Variants in EML1 observed in about 807,000 individuals in gnomAD.
The protein encoded by EML1 is echinoderm microtubule-associated protein-like 1.
In EML1, 27 loss-of-function variants were observed where a neutral mutation model predicts 110.4. That is an observed-to-expected ratio of 0.24 (90% CI 0.18 to 0.34). The LOEUF (loss-of-function observed/expected upper bound fraction) is 0.34. EML1 is among the 10% of genes least tolerant of loss of function. The pLI, the probability that EML1 is intolerant of heterozygous loss-of-function variation, is 1.00. For missense variants in EML1, 741 were observed against 1,030.9 expected (o/e 0.72, Z 3.85); for synonymous variants, 344 against 385.8 (o/e 0.89, Z 1.27).
intron 1 of EML1, among the ~76,000 whole-genome samples, chr14:99,849,505 TTGTGTGTGTG>T (rs764449866): frequency 6.7e-6 from 1 of 149,010 alleles, no homozygotes; most frequent in Admixed American, 6.7e-5. Context: ...GTGTGTGTAT[TTGTGTGTGTG>T]TGTGTGTGTG....
chr14:99,917,635 C>G, intron 15 of EML1, 147 bp from the exon 16 acceptor site: 2 of 742,744 alleles, frequency 2.7e-6, no homozygotes, highest in Non-Finnish European at 4.3e-6. Flanking sequence ...ACATTTTTCT[C>G]TAGAAAAGAG....
At chr14:99,754,815 T>G (rs1224113212) in intron 1 of EML1, among the ~76,000 whole-genome samples, 1 of 151,806 alleles carries the variant, frequency 6.6e-6, no homozygotes, top group African/African-American at 2.4e-5. Context: ...TGGAGAAACT[T>G]CTCCAGGTCA....
intron 2 of EML1, among the ~76,000 whole-genome samples, chr14:99,857,109 A>G (rs2058915797): frequency 6.6e-6 from 1 of 151,950 alleles, no homozygotes; most frequent in Admixed American, 6.6e-5. Flanking sequence ...CCACCTCTAC[A>G]AAAAATACCG....
rs2058402742 is a variant in EML1, at chr14:99,828,853, A to G, written c.68-22000A>G. On this transcript the variant is annotated intron_variant, in intron 1 of 21. Transcript: ENST00000262233. Reference sequence around the variant, plus strand: ...ATAAGGAAGAGAAAATGTATTTACTATTCTGTTAGTGGAAGCGGGTCATCA... The same window carrying G: ...ATAAGGAAGAGAAAATGTATTTACTGTTCTGTTAGTGGAAGCGGGTCATCA... 1.3e-5 allele frequency among the ~76,000 whole-genome samples: 2 copies of G among 152,240 alleles called. 1 individual carries two copies. The highest frequency in any genetic ancestry group is 4.1e-4 in the South Asian group (2 of 4,834).
intron 1 of EML1, among the ~76,000 whole-genome samples, chr14:99,752,371 G>A (rs534117591): frequency 1.3e-5 from 2 of 152,190 alleles, no homozygotes; most frequent in Non-Finnish European, 2.9e-5. Context: ...CAGGGTCGCC[G>A]GGCGGAATGC....
At chr14:99,741,635 C>T (rs868319197) in intron 1 of EML1, among the ~76,000 whole-genome samples, 1 of 152,090 alleles carries the variant, frequency 6.6e-6, no homozygotes, top group South Asian at 2.1e-4. Flanking sequence ...CCCACCCCCC[C>T]CCAGACCTCA....
chr14:99,915,008 T>G, intron 15 of EML1: 1 of 377,614 alleles, frequency 2.6e-6, no homozygotes, highest in Non-Finnish European at 4.8e-6. Context: ...ATACTTGTTA[T>G]GAGCCTGCAT....
At chr14:99,859,119 G>A in intron 2 of EML1, among the ~76,000 whole-genome samples, 1 of 152,086 alleles carries the variant, frequency 6.6e-6, no homozygotes, top group East Asian at 1.9e-4. Flanking sequence ...AGTGCTTTTT[G>A]AAGTCTGGTT....
At chr14:99,804,528 G>A (rs1380876742) in intron 1 of EML1, among the ~76,000 whole-genome samples, 2 of 152,214 alleles carry the variant, frequency 1.3e-5, no homozygotes, top group African/African-American at 4.8e-5. Flanking sequence ...GTGTGTTTCA[G>A]AGCTGGGGTT....
At chr14:99,826,736 C>A (rs1232163789) in intron 1 of EML1, among the ~76,000 whole-genome samples, 2 of 151,702 alleles carry the variant, frequency 1.3e-5, no homozygotes, top group Non-Finnish European at 2.9e-5. Context: ...AACAAAAAAA[C>A]ACCTTAGGTC....
chr14:99,926,280 TGG>T (rs201610977), intron 17 of EML1, among the ~76,000 whole-genome samples: 1 of 117,276 alleles, frequency 8.5e-6, no homozygotes, highest in Admixed American at 8.9e-5. Context: ...TTGTGTTTTT[TGG>T]GGTTTTTTTT....
chr14:99,876,431 A>G (rs2059293075), intron 3 of EML1, among the ~76,000 whole-genome samples: 1 of 152,018 alleles, frequency 6.6e-6, no homozygotes, highest in Non-Finnish European at 1.5e-5. Context: ...GCACCAGCAC[A>G]TTTACCTAAT....
chr14:99,854,622 T>C lies in EML1; in HGVS notation c.250+3587T>C, dbSNP rs541562494. ...CTCCCCAGACTCTGCTTTCTCCTTT[T>C]CCTTTGATATTTTTTAAAATAGGAA... On this transcript the variant is annotated intron_variant, in intron 2 of 21. Coordinates refer to ENST00000262233, the MANE Select transcript of EML1 (RefSeq NM_004434.3). 1.4e-4 allele frequency among the ~76,000 whole-genome samples: 21 copies of C among 152,286 alleles called. No individual in the cohort carries two copies. The South Asian group carries it at 4.4e-3, about 32-fold the overall frequency.
At chr14:99,837,232 T>TAGGG (rs1352676074) in intron 1 of EML1, among the ~76,000 whole-genome samples, 17 of 152,136 alleles carry the variant, frequency 1.1e-4, no homozygotes, top group African/African-American at 4.1e-4. Context: ...GACTCAGGCT[T>TAGGG]TACCTGGGTT....
chr14:99,911,708 AT>A, intron 13 of EML1, 132 bp downstream of exon 13: 1 of 1,011,612 alleles, frequency 9.9e-7, no homozygotes, highest in Non-Finnish European at 1.4e-6. Flanking sequence ...GGAGCAATGT[AT>A]TTTATTAAAA....
chr14:99,837,635 A>G (rs1431161418), intron 1 of EML1, among the ~76,000 whole-genome samples: 1 of 152,170 alleles, frequency 6.6e-6, no homozygotes, highest in East Asian at 1.9e-4. Context: ...GTTCTACCAT[A>G]AAAACCTAGG....
intron 1 of EML1, among the ~76,000 whole-genome samples, chr14:99,758,790 A>C (rs1183888252): frequency 6.6e-6 from 1 of 152,200 alleles, no homozygotes; most frequent in Non-Finnish European, 1.5e-5. Flanking sequence ...GCTTGCTCAC[A>C]AGGACTTTCT....
At chr14:99,741,634 C>A (rs1334428006) in intron 1 of EML1, among the ~76,000 whole-genome samples, 1 of 151,478 alleles carries the variant, frequency 6.6e-6, no homozygotes, top group Non-Finnish European at 1.5e-5. Context: ...GCCCACCCCC[C>A]CCCAGACCTC....
At position 99,764,550 on chromosome 14, in the gene EML1, G is replaced by A. The variant is rs8004972; in HGVS notation, c.28+26690G>A. On this transcript the variant is annotated intron_variant, in intron 1 of 10. Coordinates refer to the EML1 transcript ENST00000554479. ...GTCTCAAGAGCAGGCTTTCAGCAGC[G>A]AGCTCTGTACATTCACAGTCTAGTG... 9.4e-3 allele frequency among the ~76,000 whole-genome samples: 1,427 copies of A among 152,372 alleles called. 25 individuals are homozygous for A. Among genetic ancestry groups the A allele is most frequent in the African/African-American group, 0.033 (1,354 of 41,600 alleles).
Sources: allele counts gnomAD v4.1 joint callset (sites outside exome capture counted in the v4.1 genomes callset), GRCh38; gene constraint gnomAD v4.1.1; transcripts MANE v1.5; gene names NCBI Gene and HGNC (gene_info 2026-07-23, HGNC 2026-07-21).